Variants in LRP1B observed in about 807,000 individuals in gnomAD.
The protein encoded by LRP1B is low-density lipoprotein receptor-related protein 1B.
Under a neutral mutation model 556.6 loss-of-function variants are expected in LRP1B, and 217 were observed. That is an observed-to-expected ratio of 0.39 (90% confidence interval 0.35 to 0.44). LRP1B has a LOEUF of 0.44. Ranked by LOEUF, LRP1B falls within the 20% of genes least tolerant of loss-of-function variation. The pLI, the probability that LRP1B is intolerant of heterozygous loss-of-function variation, is 1.00. For missense variants in LRP1B, 5,053 were observed against 5,620.8 expected (o/e 0.90, Z 3.23); for synonymous variants, 2,047 against 1,865.8 (o/e 1.10, Z -2.50).
intron 21 of LRP1B, among the ~76,000 whole-genome samples, chr2:140,915,945 G>A (rs1014586575): frequency 3.3e-5 from 5 of 151,546 alleles, no homozygotes; most frequent in African/African-American, 9.7e-5. Context: ...AGAGAATGGT[G>A]TGAACCCAGG....
intron 20 of LRP1B, among the ~76,000 whole-genome samples, chr2:140,932,482 G>C (rs925510244): frequency 6.6e-6 from 1 of 152,102 alleles, no homozygotes; most frequent in African/African-American, 2.4e-5. Flanking sequence ...AATATTTACT[G>C]TCTAATCCTT....
intron 3 of LRP1B, among the ~76,000 whole-genome samples, chr2:141,384,842 A>C (rs1026529936): frequency 6.6e-6 from 1 of 152,062 alleles, no homozygotes; most frequent in African/African-American, 2.4e-5. Flanking sequence ...TTATTGAATG[A>C]CTCACCAGTT....
At chr2:141,202,860 C>T in intron 6 of LRP1B, among the ~76,000 whole-genome samples, 1 of 151,994 alleles carries the variant, frequency 6.6e-6, no homozygotes, top group Admixed American at 6.6e-5. Flanking sequence ...GGTATTTTTC[C>T]TAACGTTATT....
At chr2:140,311,786 T>TTTGACTTC (rs1291562712) in intron 83 of LRP1B, among the ~76,000 whole-genome samples, 136 of 152,048 alleles carry the variant, frequency 8.9e-4, no homozygotes, top group Non-Finnish European at 1.8e-3. Flanking sequence ...TTTAAATATC[T>TTTGACTTC]TCATTTAAAT....
chr2:141,273,790 C>T (rs1685179736), intron 3 of LRP1B, among the ~76,000 whole-genome samples: 1 of 152,154 alleles, frequency 6.6e-6, no homozygotes, highest in African/African-American at 2.4e-5. Flanking sequence ...ATAAACAATT[C>T]ATACAATGCG....
intron 7 of LRP1B, among the ~76,000 whole-genome samples, chr2:141,115,452 G>C (rs1038992816): frequency 1.1e-5 from 1 of 90,610 alleles, no homozygotes. Context: ...ATAGGTTTTT[G>C]TTTTTGTTTT....
chr2:140,402,728 G>T (rs1684562013), intron 66 of LRP1B, among the ~76,000 whole-genome samples: 1 of 152,150 alleles, frequency 6.6e-6, no homozygotes, highest in African/African-American at 2.4e-5. Flanking sequence ...CCTCATAAAG[G>T]CTGGGACCTC....
intron 4 of LRP1B, among the ~76,000 whole-genome samples, chr2:141,250,604 T>C (rs1158056215): frequency 1.3e-5 from 2 of 152,166 alleles, no homozygotes; most frequent in East Asian, 1.9e-4. Flanking sequence ...TGAGTGGTTA[T>C]AGTGAATGAC....
intron 62 of LRP1B, among the ~76,000 whole-genome samples, chr2:140,453,368 T>A (rs1686959994): frequency 6.6e-6 from 1 of 152,062 alleles, no homozygotes; most frequent in African/African-American, 2.4e-5. Context: ...TCTCTTCTAT[T>A]TCATGTCTTA....
In LRP1B at chr2:140,234,782, T is replaced by C. The variant is rs1403201064; in HGVS notation, c.13659+4A>G. 1.3e-6 allele frequency: 1 copy of C among 772,682 alleles called. No individual in the cohort carries two copies. The highest frequency in any genetic ancestry group is 1.7e-5 in the African/African-American group (1 of 58,558). The allele number at this position is 772,682 out of a possible 1,614,324, so 47.9% of individuals were successfully genotyped here. On this transcript the variant is annotated splice_donor_region_variant and intron_variant, in intron 90 of 90. Coordinates refer to ENST00000389484, the MANE Select transcript of LRP1B (RefSeq NM_018557.3). ...ACATGAAATAACGAATATTCTTCTC[T>C]CACCCCAGCAGTTAGTGGTCCTTTC...
intron 41 of LRP1B, chr2:140,683,321 G>A: frequency 2.3e-6 from 1 of 439,726 alleles, no homozygotes; most frequent in Non-Finnish European, 4.4e-6. Flanking sequence ...TCTTGACCTG[G>A]AGGCCCAACC....
intron 3 of LRP1B, among the ~76,000 whole-genome samples, chr2:141,394,440 A>T (rs1042160103): frequency 2.0e-5 from 3 of 152,118 alleles, no homozygotes; most frequent in Non-Finnish European, 2.9e-5. Context: ...AAATTCTGGC[A>T]GTCTTTTTAT....
At chr2:140,553,851 A>G (rs546444892) in intron 43 of LRP1B, among the ~76,000 whole-genome samples, 1 of 152,184 alleles carries the variant, frequency 6.6e-6, no homozygotes, top group East Asian at 1.9e-4. Context: ...ACCAGCTTTC[A>G]TTAAAGAGGC....
At chr2:140,914,980 T>C (rs1694532549) in intron 21 of LRP1B, among the ~76,000 whole-genome samples, 1 of 152,122 alleles carries the variant, frequency 6.6e-6, no homozygotes, top group Non-Finnish European at 1.5e-5. Context: ...TGTAGAGAGG[T>C]TTAGTAACTT....
intron 75 of LRP1B, among the ~76,000 whole-genome samples, chr2:140,354,759 T>A (rs74406838): frequency 9.9e-5 from 15 of 152,140 alleles, no homozygotes; most frequent in African/African-American, 3.4e-4. Context: ...ACATGCCTAG[T>A]ACCCAAAACA....
intron 66 of LRP1B, among the ~76,000 whole-genome samples, chr2:140,406,833 A>G (rs1225308152): frequency 6.6e-6 from 1 of 152,124 alleles, no homozygotes; most frequent in Admixed American, 6.5e-5. Flanking sequence ...ACAAAACTAG[A>G]AAAAACAATC....
chr2:140,260,525 A>G (rs956577491), intron 86 of LRP1B, among the ~76,000 whole-genome samples: 4 of 151,784 alleles, frequency 2.6e-5, no homozygotes, highest in Admixed American at 2.0e-4. Flanking sequence ...ATATATTAAT[A>G]TATGTATATG....
At chr2:141,787,949 T>C (rs1695479595) in intron 2 of LRP1B, among the ~76,000 whole-genome samples, 2 of 152,002 alleles carry the variant, frequency 1.3e-5, no homozygotes, top group African/African-American at 4.8e-5. Context: ...TTTATCATCA[T>C]ATATTGATGG....
intron 6 of LRP1B, among the ~76,000 whole-genome samples, chr2:141,197,142 A>G (rs770088187): frequency 6.6e-6 from 1 of 152,156 alleles, no homozygotes; most frequent in Non-Finnish European, 1.5e-5. Context: ...ATCCAGTCTC[A>G]GGTATATCTT....
Sources: gnomAD v4.1 joint callset for allele counts (sites outside exome capture counted in the v4.1 genomes callset) on GRCh38, gnomAD v4.1.1 for gene constraint, MANE v1.5 for transcripts, NCBI Gene and HGNC (gene_info 2026-07-23, HGNC 2026-07-21) for gene names.